CHCHD3: variants seen among roughly 807,000 people sequenced by gnomAD.
The protein encoded by CHCHD3 is coiled-coil-helix-coiled-coil-helix domain containing 3.
Under a neutral mutation model 38.2 loss-of-function variants are expected in CHCHD3, and 20 were observed. That is an observed-to-expected ratio of 0.52 (90% confidence interval 0.37 to 0.76). The LOEUF is 0.76. Among genes scored for constraint, CHCHD3 ranks in the 30% least tolerant of loss-of-function variants. CHCHD3 has a pLI of 0.00. For missense variants in CHCHD3, 245 were observed against 279.2 expected, an observed-to-expected ratio of 0.88 and a Z score of 0.87; for synonymous variants, 82 against 100.0, an observed-to-expected ratio of 0.82 and a Z score of 1.07.
chr7:132,920,383 C>T (rs1810231207), intron 4 of CHCHD3, among the ~76,000 whole-genome samples: 1 of 152,078 alleles, frequency 6.6e-6, no homozygotes, highest in Admixed American at 6.5e-5. Context: ...CTTAAACAAA[C>T]AAACAAAACT....
chr7:132,904,259 G>A (rs923089377), intron 4 of CHCHD3, among the ~76,000 whole-genome samples: 1 of 150,148 alleles, frequency 6.7e-6, no homozygotes, highest in African/African-American at 2.4e-5. Flanking sequence ...AAGACTTTGT[G>A]TCTAGAAAAA....
At chr7:133,002,282 T>C (rs1051453553) in intron 3 of CHCHD3, among the ~76,000 whole-genome samples, 1 of 152,220 alleles carries the variant, frequency 6.6e-6, no homozygotes, top group African/African-American at 2.4e-5. Flanking sequence ...AACATGCTTA[T>C]CTGGTAGATA....
At chr7:132,789,955 G>C (rs1283673639) in intron 7 of CHCHD3, among the ~76,000 whole-genome samples, 1 of 152,210 alleles carries the variant, frequency 6.6e-6, no homozygotes, top group African/African-American at 2.4e-5. Flanking sequence ...GAAAAAGCCA[G>C]AATGAGAAGA....
intron 6 of CHCHD3, among the ~76,000 whole-genome samples, chr7:132,819,730 G>C (rs751741035): frequency 6.6e-6 from 1 of 152,194 alleles, no homozygotes; most frequent in African/African-American, 2.4e-5. Context: ...GAGGTGTCTA[G>C]AAAGACTTTA....
intron 3 of CHCHD3, among the ~76,000 whole-genome samples, chr7:133,003,831 A>G (rs1812633750): frequency 6.6e-6 from 1 of 152,330 alleles, no homozygotes; most frequent in Non-Finnish European, 1.5e-5. Flanking sequence ...AAAGAAACAT[A>G]TGACATCATC....
intron 4 of CHCHD3, among the ~76,000 whole-genome samples, chr7:132,952,091 G>A (rs903573419): frequency 5.3e-5 from 8 of 152,228 alleles, no homozygotes; most frequent in Non-Finnish European, 1.2e-4. Flanking sequence ...AAGTGCATAT[G>A]GGCACAGAGG....
chr7:133,052,267 G>A (rs905162444), intron 2 of CHCHD3, among the ~76,000 whole-genome samples: 7 of 152,116 alleles, frequency 4.6e-5, no homozygotes, highest in East Asian at 1.9e-4. Flanking sequence ...AAAATGACCC[G>A]ACACAGCATC....
chr7:132,870,528 A>G (rs1808741465), intron 5 of CHCHD3, among the ~76,000 whole-genome samples: 1 of 152,154 alleles, frequency 6.6e-6, no homozygotes, highest in Non-Finnish European at 1.5e-5. Context: ...CTAATTTAGT[A>G]TGTATAAATT....
chr7:132,898,643 C>T (rs1193626533), intron 4 of CHCHD3, among the ~76,000 whole-genome samples: 2 of 152,264 alleles, frequency 1.3e-5, no homozygotes, highest in Non-Finnish European at 2.9e-5. Context: ...GGACTGGGCG[C>T]TGTGGAGCAG....
chr7:132,819,374 A>C (rs910887372), intron 6 of CHCHD3, among the ~76,000 whole-genome samples: 19 of 152,230 alleles, frequency 1.2e-4, no homozygotes, highest in Non-Finnish European at 2.4e-4. Flanking sequence ...ATGTAGTTTA[A>C]ATGCACACAC....
At chr7:132,848,898 A>G (rs1808145598) in intron 5 of CHCHD3, among the ~76,000 whole-genome samples, 1 of 152,126 alleles carries the variant, frequency 6.6e-6, no homozygotes, top group African/African-American at 2.4e-5. Flanking sequence ...GTCTTTACTC[A>G]ATGCTCCCAG....
chr7:132,974,283 CCTT>C (rs1240834627), intron 4 of CHCHD3, among the ~76,000 whole-genome samples: 1 of 152,112 alleles, frequency 6.6e-6, no homozygotes, highest in Non-Finnish European at 1.5e-5. Context: ...GTCTTTTAAA[CCTT>C]CTTCTGTCTG....
chr7:133,043,048 G>A (rs925260444), intron 2 of CHCHD3, among the ~76,000 whole-genome samples: 4 of 151,844 alleles, frequency 2.6e-5, no homozygotes, highest in Admixed American at 2.0e-4. Flanking sequence ...TGTATTTTTT[G>A]TAGAGACAGA....
chr7:132,964,752 C>G (rs968426611), intron 4 of CHCHD3, among the ~76,000 whole-genome samples: 1 of 152,088 alleles, frequency 6.6e-6, no homozygotes, highest in Non-Finnish European at 1.5e-5. Flanking sequence ...AATGACTTGA[C>G]GAAAGTGTAC....
intron 6 of CHCHD3, among the ~76,000 whole-genome samples, chr7:132,805,646 T>A (rs988594146): frequency 6.6e-6 from 1 of 152,230 alleles, no homozygotes; most frequent in South Asian, 2.1e-4. Context: ...GGTACCATCT[T>A]GAGAAGGCGG....
chr7:132,809,006 G>A (rs1807001360), intron 6 of CHCHD3, among the ~76,000 whole-genome samples: 1 of 151,804 alleles, frequency 6.6e-6, no homozygotes, highest in Non-Finnish European at 1.5e-5. Context: ...CTGGAGTGCA[G>A]TGCTGTGATC....
chr7:132,919,260 C>T (rs1019604679), intron 4 of CHCHD3, among the ~76,000 whole-genome samples: 25 of 152,060 alleles, frequency 1.6e-4, no homozygotes, highest in African/African-American at 5.8e-4. Flanking sequence ...AGGCGCCCGC[C>T]AGCATGCCTG....
chr7:132,788,744 G>A lies in CHCHD3; in HGVS notation c.661-3084C>T, dbSNP rs1438636974. 6.6e-6 allele frequency among the ~76,000 whole-genome samples: 1 copy of A among 152,186 alleles called. No homozygotes were observed. The highest frequency in any genetic ancestry group is 1.5e-5 in the Non-Finnish European group (1 of 68,030). On this transcript the variant is annotated intron_variant, in intron 7 of 7. Transcript: ENST00000262570. The surrounding 1 kb of genome is among the most constrained non-coding windows in gnomAD (Gnocchi z 4.0). ...CCACATTCACAAAATACCGTTACATGTATTAAAATTCTAATCCTCCAAGAT... is the reference window on the plus strand; with the variant it reads ...CCACATTCACAAAATACCGTTACATATATTAAAATTCTAATCCTCCAAGAT...
chr7:132,871,092 T>C (rs1808757449), intron 5 of CHCHD3, among the ~76,000 whole-genome samples: 1 of 152,206 alleles, frequency 6.6e-6, no homozygotes. Flanking sequence ...CAGTGTCCAT[T>C]TGGCTATTTC....
Sources: gnomAD v4.1 joint callset for allele counts (sites outside exome capture counted in the v4.1 genomes callset) on GRCh38, gnomAD v4.1.1 for gene constraint, Gnocchi (gnomAD v3.1) non-coding constraint, MANE v1.5 for transcripts, NCBI Gene and HGNC (gene_info 2026-07-23, HGNC 2026-07-21) for gene names.